The following DNAJB4 variants were observed in gnomAD, a reference collection of about 807,000 sequenced individuals.
DNAJB4 encodes DnaJ heat shock protein family (Hsp40) member B4, also known as dnaJ homolog subfamily B member 4.
Under a neutral mutation model 26.6 loss-of-function variants are expected in DNAJB4, and 10 were observed. That is an observed-to-expected ratio of 0.38 (90% confidence interval 0.23 to 0.64). The LOEUF is 0.64. DNAJB4 is among the 30% of genes least tolerant of loss of function. The probability of loss-of-function intolerance (pLI) is 0.58; values close to 1 mark genes in which losing one functional copy is unlikely to be tolerated. For synonymous variants in DNAJB4, 136 were observed against 134.8 expected (o/e 1.01, Z -0.06); for missense variants, 328 against 408.2 (o/e 0.80, Z 1.69).
rs1368702372 is a variant in DNAJB4 at position 78,005,299 on chromosome 1, A to G, written c.189A>G (p.Ile63Met). 3 of 1,613,466 alleles carry G rather than the reference A, an allele frequency of 1.9e-6. No homozygotes were observed. Among genetic ancestry groups the G allele is most frequent in the Non-Finnish European group, 2.5e-6 (3 of 1,179,840 alleles). Reference protein sequence around the residue: ...EVLSDPKKREIYDQFGEEGLK... With the variant: ...EVLSDPKKREMYDQFGEEGLK... ...TGAGTGATCCTAAAAAGAGAGAAAT[A>G]TATGATCAGTTTGGGGAGGAAGGTA... Residue 63 changes from isoleucine (I) to methionine (M), a missense_variant, in exon 1 of 3, where the codon ATA (isoleucine) becomes ATG (methionine). Transcript: ENST00000370763.
intron 1 of DNAJB4, among the ~76,000 whole-genome samples, chr1:77,989,050 A>G (rs762581517): frequency 6.6e-6 from 1 of 152,116 alleles, no homozygotes; most frequent in Non-Finnish European, 1.5e-5. Flanking sequence ...CAAACACCCT[A>G]CTTTACTCTG....
intron 1 of DNAJB4, among the ~76,000 whole-genome samples, chr1:78,007,111 A>G (rs1186384912): frequency 6.6e-6 from 1 of 151,416 alleles, no homozygotes; most frequent in Non-Finnish European, 1.5e-5. Flanking sequence ...TCATTACACA[A>G]TGAGTGAATT....
At chr1:78,011,771 A>G (rs1660483208) in intron 1 of DNAJB4, among the ~76,000 whole-genome samples, 1 of 151,978 alleles carries the variant, frequency 6.6e-6, no homozygotes, top group South Asian at 2.1e-4. Flanking sequence ...GGTGTGAGCC[A>G]CTGCACCTGG....
upstream of DNAJB4, among the ~76,000 whole-genome samples, chr1:78,000,964 G>A (rs1352578669): frequency 6.6e-6 from 1 of 151,028 alleles, no homozygotes; most frequent in Non-Finnish European, 1.5e-5. Context: ...TTCTGGACCA[G>A]CCTGGGCGAC....
chr1:77,995,354 T>C (rs1660036037), intron 1 of DNAJB4, among the ~76,000 whole-genome samples: 1 of 152,216 alleles, frequency 6.6e-6, no homozygotes, highest in Non-Finnish European at 1.5e-5. Flanking sequence ...AGTGTGATCT[T>C]TCAACACAGG....
At chr1:78,003,606 A>G (rs1261296963), upstream of DNAJB4, among the ~76,000 whole-genome samples, 6 of 152,278 alleles carry the variant, frequency 3.9e-5, no homozygotes, top group South Asian at 6.2e-4. Context: ...GTTTTCTAAC[A>G]TTTTATTTGG....
intron 1 of DNAJB4, among the ~76,000 whole-genome samples, chr1:77,992,185 G>A (rs1236927699): frequency 2.6e-5 from 4 of 151,696 alleles, no homozygotes; most frequent in African/African-American, 7.3e-5. Context: ...AGGCCGAGGC[G>A]GGCGGATCAC....
At chr1:78,008,942 G>T (rs906744321) in intron 1 of DNAJB4, among the ~76,000 whole-genome samples, 1 of 151,890 alleles carries the variant, frequency 6.6e-6, no homozygotes, top group Non-Finnish European at 1.5e-5. Context: ...ATTTATTCTA[G>T]TTTTCTAATT....
chr1:77,984,147 G>A (rs988875925), intron 1 of DNAJB4, among the ~76,000 whole-genome samples: 44 of 152,294 alleles, frequency 2.9e-4, no homozygotes, highest in African/African-American at 1.0e-3. Context: ...CTTTTCACTG[G>A]AATGGTCCAA....
At chr1:78,010,621 T>C (rs572381214) in intron 1 of DNAJB4, among the ~76,000 whole-genome samples, 1 of 152,310 alleles carries the variant, frequency 6.6e-6, no homozygotes, top group South Asian at 2.1e-4. Context: ...TGGATGAAGG[T>C]AAAAATTTTA....
chr1:78,015,696 T>G (rs1660623451), intron 2 of DNAJB4, among the ~76,000 whole-genome samples: 6 of 151,982 alleles, frequency 3.9e-5, no homozygotes, highest in Admixed American at 3.9e-4. Flanking sequence ...ATTACAGGCA[T>G]GTGCCACCAC....
chr1:77,999,505 C>T (rs922378465), intron 1 of DNAJB4, among the ~76,000 whole-genome samples: 2 of 151,050 alleles, frequency 1.3e-5, no homozygotes, highest in African/African-American at 4.9e-5. Flanking sequence ...TGGCAAGAGG[C>T]AAGATCTTGG....
intron 1 of DNAJB4, among the ~76,000 whole-genome samples, chr1:77,995,638 G>T (rs1468742182): frequency 2.0e-5 from 3 of 152,002 alleles, no homozygotes; most frequent in Non-Finnish European, 2.9e-5. Context: ...ATTTTTTGTA[G>T]ATACGAGGTC....
upstream of DNAJB4, chr1:77,979,317 C>T (rs1659387778): frequency 8.7e-6 from 3 of 343,820 alleles, no homozygotes; most frequent in Non-Finnish European, 1.1e-5. Flanking sequence ...ATTGTTCCTG[C>T]AGGGTGGTGG....
upstream of DNAJB4, among the ~76,000 whole-genome samples, chr1:78,001,528 A>T (rs1660195220): frequency 6.6e-6 from 1 of 152,142 alleles, no homozygotes; most frequent in Admixed American, 6.5e-5. Flanking sequence ...CTTCTGTACT[A>T]TTTTATTATA....
In DNAJB4 at chr1:78,016,326, A is replaced by G; in HGVS notation, c.*79A>G. ...CTGGTAGTTTACTGATGTAGATGTG[A>G]ATTCTGTATAAAGATGTGTAAATTC... On this transcript the variant is annotated 3_prime_UTR_variant, in exon 3 of 3. Coordinates refer to ENST00000370763, the MANE Select transcript of DNAJB4 (RefSeq NM_007034.5). 1 of 1,217,200 alleles carries G rather than the reference A, an allele frequency of 8.2e-7. No individual in the cohort carries two copies. The highest frequency in any genetic ancestry group is 1.4e-5 in the South Asian group (1 of 70,658). The allele number at this position is 1,217,200 out of a possible 1,614,324, so 75.4% of individuals were successfully genotyped here.
intron 1 of DNAJB4, among the ~76,000 whole-genome samples, chr1:77,995,123 A>G (rs1660029816): frequency 6.6e-6 from 1 of 152,250 alleles, no homozygotes; most frequent in African/African-American, 2.4e-5. Flanking sequence ...CTGTATTTCA[A>G]ATATTTAGTA....
chr1:77,996,502 C>T (rs1660063441), intron 1 of DNAJB4, among the ~76,000 whole-genome samples: 1 of 151,998 alleles, frequency 6.6e-6, no homozygotes, highest in African/African-American at 2.4e-5. Flanking sequence ...TGGGTGTCTC[C>T]AAATCTAGTA....
chr1:78,014,153 G>A (rs567118330), intron 2 of DNAJB4, among the ~76,000 whole-genome samples: 8 of 146,834 alleles, frequency 5.4e-5, no homozygotes, highest in African/African-American at 2.0e-4. Context: ...ACAGAGTCTT[G>A]CTCTGTCACC....
Sources: allele counts gnomAD v4.1 joint callset (sites outside exome capture counted in the v4.1 genomes callset), GRCh38; gene constraint gnomAD v4.1.1; transcripts MANE v1.5; gene names NCBI Gene and HGNC (gene_info 2026-07-23, HGNC 2026-07-21).